ANKRD17: variants seen among roughly 807,000 people sequenced by gnomAD.
The protein encoded by ANKRD17 is ankyrin repeat domain 17.
In ANKRD17, 19 loss-of-function variants were observed where a neutral mutation model predicts 229.7. The observed-to-expected ratio is 0.08, with a 90% confidence interval of 0.06 to 0.12. The LOEUF (loss-of-function observed/expected upper bound fraction) is 0.12, where lower values mean the gene tolerates loss of function less well. ANKRD17 is among the 10% of genes least tolerant of loss of function. The pLI, the probability that ANKRD17 is intolerant of heterozygous loss-of-function variation, is 1.00. For synonymous variants in ANKRD17, 1,112 were observed against 1,146.1 expected, an observed-to-expected ratio of 0.97 and a Z score of 0.60; for missense variants, 2,176 against 3,176.8, an observed-to-expected ratio of 0.68 and a Z score of 7.57.
intron 18 of ANKRD17, 28 bp from the exon 19 acceptor site, chr4:73,121,787 T>C: frequency 6.4e-7 from 1 of 1,567,670 alleles, no homozygotes; most frequent in African/African-American, 1.4e-5. Flanking sequence ...AAAAATATGT[T>C]TTCTTATGGA....
At chr4:73,149,251 G>T (rs973582533) in intron 7 of ANKRD17, among the ~76,000 whole-genome samples, 4 of 151,674 alleles carry the variant, frequency 2.6e-5, no homozygotes, top group Non-Finnish European at 4.4e-5. Context: ...AATAGAGATT[G>T]AAAATATAAA....
chr4:73,224,160 T>C (rs1742212661), intron 1 of ANKRD17, among the ~76,000 whole-genome samples: 1 of 152,046 alleles, frequency 6.6e-6, no homozygotes, highest in South Asian at 2.1e-4. Flanking sequence ...GGTGGCTGCA[T>C]GAGAATCACG....
chr4:73,242,692 G>A (rs1378708120), intron 1 of ANKRD17, among the ~76,000 whole-genome samples: 1 of 152,132 alleles, frequency 6.6e-6, no homozygotes, highest in South Asian at 2.1e-4. Flanking sequence ...ACCAAACCAT[G>A]CTAACATATT....
At chr4:73,157,149 A>G (rs1413929672) in intron 3 of ANKRD17, among the ~76,000 whole-genome samples, 1 of 152,164 alleles carries the variant, frequency 6.6e-6, no homozygotes, top group Non-Finnish European at 1.5e-5. Flanking sequence ...TCAGTAGAAA[A>G]TTTTTTATAA....
intron 3 of ANKRD17, 32 bp downstream of exon 3, chr4:73,161,160 T>A: frequency 6.2e-7 from 1 of 1,602,864 alleles, no homozygotes; most frequent in Non-Finnish European, 8.5e-7. Context: ...AAGAAAATGA[T>A]TTCATACTGA....
chr4:73,258,213 C>T (rs1221089168), intron 1 of ANKRD17, 63 bp downstream of exon 1: 2 of 1,607,388 alleles, frequency 1.2e-6, no homozygotes, highest in East Asian at 2.2e-5. Context: ...AATCCCCTCC[C>T]ACCTTCGGCC....
At chr4:73,195,261 G>C (rs1274679301) in intron 1 of ANKRD17, among the ~76,000 whole-genome samples, 1 of 152,038 alleles carries the variant, frequency 6.6e-6, no homozygotes, top group Non-Finnish European at 1.5e-5. Context: ...TTGTTGGACT[G>C]TTTGCTAATA....
intron 1 of ANKRD17, among the ~76,000 whole-genome samples, chr4:73,253,005 T>C (rs1191169602): frequency 6.6e-6 from 1 of 152,154 alleles, no homozygotes; most frequent in Admixed American, 6.5e-5. Flanking sequence ...AATATGGTAC[T>C]CAACACCATA....
At chr4:73,086,182 T>A (rs151326629) in intron 29 of ANKRD17, among the ~76,000 whole-genome samples, 1 of 152,202 alleles carries the variant, frequency 6.6e-6, no homozygotes, top group African/African-American at 2.4e-5. Context: ...TCTGTCAAAG[T>A]GGACTTTTGT....
chr4:73,078,744 T>C lies in ANKRD17; in HGVS notation c.7306A>G (p.Arg2436Gly). The C allele has an allele frequency of 6.2e-7, 1 of 1,614,174 alleles. No homozygotes were observed. Among genetic ancestry groups the C allele is most frequent in the Non-Finnish European group, 8.5e-7 (1 of 1,180,038 alleles). ...GATGGAGCTGACGTTCCAGTTTGCC[T>C]GATACGTGCAGAACGTTCAGTCCCA... ...PIGTERSARI[R>G]QTGTSAPSVI... is the part of the protein sequence containing the mutation. Residue 2436 changes from arginine to glycine, a missense_variant, in exon 31 of 34, where the codon AGG (arginine) becomes GGG (glycine). Physicochemically the swap from Arg to Gly is moderately radical, Grantham distance 125 (BLOSUM62 -2). Transcript: ENST00000358602.
intron 1 of ANKRD17, among the ~76,000 whole-genome samples, chr4:73,238,884 G>C (rs1400669382): frequency 6.6e-6 from 1 of 152,100 alleles, no homozygotes. Flanking sequence ...CCTTGAACAA[G>C]TTACTTATTC....
intron 1 of ANKRD17, among the ~76,000 whole-genome samples, chr4:73,217,290 AC>A (rs1000220626): frequency 6.6e-6 from 1 of 152,102 alleles, no homozygotes; most frequent in African/African-American, 2.4e-5. Context: ...TCCATATTCC[AC>A]TAAAATATCA....
chr4:73,091,256 C>A lies in ANKRD17; in HGVS notation c.6372G>T (p.Gln2124His). 1 of 1,614,168 alleles carries A rather than the reference C, an allele frequency of 6.2e-7. No individual in the cohort carries two copies. The highest frequency in any genetic ancestry group is 8.5e-7 in the Non-Finnish European group (1 of 1,180,040). ...SVSQEPRPPLQQSQVPPPEVR... is the reference protein window; with the variant it reads ...SVSQEPRPPLHQSQVPPPEVR... ...CTTCCGGGGGAGGAACCTGAGACTG[C>A]TGAAGAGGTGGTCTTGGTTCCTGAG... The change falls in exon 29 of 34, where the codon CAG becomes CAT. Residue 2124 changes from glutamine to histidine, a missense_variant. Transcript: ENST00000358602.
intron 1 of ANKRD17, among the ~76,000 whole-genome samples, chr4:73,221,400 T>G (rs1016342416): frequency 3.9e-5 from 6 of 152,136 alleles, no homozygotes; most frequent in Middle Eastern, 3.4e-3. Flanking sequence ...TCAAGTAGGA[T>G]TTCCTCAGAA....
chr4:73,206,749 T>G (rs1739514991), intron 1 of ANKRD17, among the ~76,000 whole-genome samples: 1 of 152,038 alleles, frequency 6.6e-6, no homozygotes, highest in Non-Finnish European at 1.5e-5. Flanking sequence ...AAGAAGAAGT[T>G]CAAGAGATCT....
chr4:73,204,228 G>A (rs1739118256), intron 1 of ANKRD17, among the ~76,000 whole-genome samples: 1 of 151,636 alleles, frequency 6.6e-6, no homozygotes, highest in African/African-American at 2.4e-5. Flanking sequence ...AGGCGTGGTG[G>A]CGGGCTCCTG....
chr4:73,145,316 T>C (rs1730125030), intron 10 of ANKRD17, among the ~76,000 whole-genome samples: 1 of 152,164 alleles, frequency 6.6e-6, no homozygotes, highest in Non-Finnish European at 1.5e-5. Context: ...CTTTACAGAC[T>C]TCCTATTATC....
At chr4:73,153,628 TA>T (rs1484035370) in intron 6 of ANKRD17, among the ~76,000 whole-genome samples, 1 of 152,194 alleles carries the variant, frequency 6.6e-6, no homozygotes, top group Admixed American at 6.5e-5. Flanking sequence ...CAGTTCATAT[TA>T]AAAGAACTGT....
rs1257037698 is a variant in ANKRD17, at chr4:73,113,006, T to G, written c.4401+786A>C. On this transcript the variant is annotated intron_variant, in intron 24 of 33. Transcript: ENST00000358602. ...TTTTGCCATGTTGGCCAGGCTGGTC[T>G]CAAGCTCCTGACCTCAGGTGATGTG... 8.2e-6 allele frequency: 7 copies of G among 849,396 alleles called. No homozygotes were observed. In the African/African-American group the frequency reaches 1.3e-4, roughly 16 times the overall value. 52.6% of individuals were successfully genotyped at this position (849,396 alleles called of 1,614,324 possible).
Sources: allele counts gnomAD v4.1 joint callset (sites outside exome capture counted in the v4.1 genomes callset), GRCh38; gene constraint gnomAD v4.1.1; transcripts MANE v1.5; gene names NCBI Gene and HGNC (gene_info 2026-07-23, HGNC 2026-07-21).